The following OTC variants were observed in gnomAD, a reference collection of about 807,000 sequenced individuals.
OTC encodes ornithine transcarbamylase, mitochondrial.
A neutral mutation model predicts 30.3 loss-of-function variants in OTC; 3 were observed. The ratio of observed to expected loss-of-function variants is 0.10; its 90% CI spans 0.05 to 0.26. The LOEUF (loss-of-function observed/expected upper bound fraction) is 0.26, where lower values mean the gene tolerates loss of function less well. OTC is among the 10% of genes least tolerant of loss of function. OTC has a pLI of 1.00. For missense variants in OTC, 194 were observed against 260.3 expected (o/e 0.75, Z 1.75); for synonymous variants, 111 against 99.7 (o/e 1.11, Z -0.67).
At chrX:38,350,854 A>G (rs933198558), upstream of OTC, among the ~76,000 whole-genome samples, 20 of 111,033 alleles carry the variant, frequency 1.8e-4, no homozygotes, top group Non-Finnish European at 1.9e-5. Context: ...TATGGCTAGC[A>G]CAGTTCAGTG....
At chrX:38,338,590 TTTTG>T in the OTC span, among the ~76,000 whole-genome samples, 1 of 112,453 alleles carries the variant, frequency 8.9e-6, no homozygotes, top group African/African-American at 3.2e-5. Context: ...CCCTTCCTTT[TTTTG>T]TTTGTTTTTT....
Position 38,410,110 on chromosome X carries a change from T to A in OTC, c.867+1085T>A, listed in dbSNP as rs763855736. Among the ~76,000 whole-genome samples the A allele has an allele frequency of 8.0e-5, 9 of 112,191 alleles. No individual in the cohort carries two copies. In the East Asian group the frequency reaches 2.2e-3, roughly 28 times the overall value. On this transcript the variant is annotated intron_variant, in intron 8 of 9. Coordinates refer to ENST00000039007, the MANE Select transcript of OTC (RefSeq NM_000531.6). ...AGATTTTCTTGCTCACTCATTTAGA[T>A]ATTTTTTATTCTTTTTAGTTGCTGC... is the stretch of plus-strand genomic sequence containing the variant.
At chrX:38,408,614 A>C (rs937101319) in intron 6 of OTC, 128 bp from the exon 7 acceptor site, 6 of 485,741 alleles carry the variant, frequency 1.2e-5, no homozygotes, top group African/African-American at 2.4e-5. Context: ...ATCATATTCT[A>C]CTGAACATGG....
At chrX:38,381,132 C>A (rs1234165678) in intron 3 of OTC, among the ~76,000 whole-genome samples, 1 of 112,308 alleles carries the variant, frequency 8.9e-6, no homozygotes, top group Non-Finnish European at 1.9e-5. Context: ...AATGGGCACA[C>A]ATGTGAAGGA....
At chrX:38,375,224 T>C (rs774327586) in intron 3 of OTC, among the ~76,000 whole-genome samples, 1 of 111,683 alleles carries the variant, frequency 9.0e-6, no homozygotes, top group Non-Finnish European at 1.9e-5. Context: ...ATACAGTATG[T>C]TGGAAGATGA....
intron 9 of OTC, among the ~76,000 whole-genome samples, chrX:38,419,705 T>G (rs2068585897): frequency 8.9e-6 from 1 of 111,921 alleles, no homozygotes; most frequent in Non-Finnish European, 1.9e-5. Flanking sequence ...TGAATTCCCT[T>G]ACCAGTTCTA....
At chrX:38,376,124 T>C (rs759193171) in intron 3 of OTC, among the ~76,000 whole-genome samples, 1 of 109,117 alleles carries the variant, frequency 9.2e-6, no homozygotes, top group East Asian at 2.9e-4. Flanking sequence ...CTGATAACTT[T>C]GGTGAGAGGA....
At chrX:38,415,858 ACAAACAAACAAG>A (rs2068568521) in intron 9 of OTC, among the ~76,000 whole-genome samples, 4 of 112,111 alleles carry the variant, frequency 3.6e-5, no homozygotes, top group Admixed American at 9.4e-5. Flanking sequence ...CCGTCTCAAA[ACAAACAAACAAG>A]CAAACAAACA....
At chrX:38,375,040 C>T (rs1311327732) in intron 3 of OTC, among the ~76,000 whole-genome samples, 1 of 111,762 alleles carries the variant, frequency 8.9e-6, no homozygotes, top group East Asian at 2.8e-4. Flanking sequence ...TCAAATTCCT[C>T]CTTTATTCAT....
At chrX:38,337,192 GT>G in the OTC span, among the ~76,000 whole-genome samples, 1 of 112,292 alleles carries the variant, frequency 8.9e-6, no homozygotes. Flanking sequence ...CTCTTGGTTT[GT>G]TGATACCTAA....
chrX:38,328,960 C>T, the OTC span, among the ~76,000 whole-genome samples: 1 of 112,056 alleles, frequency 8.9e-6, no homozygotes, highest in African/African-American at 3.2e-5. Flanking sequence ...CCAAATAGTT[C>T]TTAGAGCAAC....
rs767865196 is a variant in OTC at position 38,416,052 on chromosome X, A to G, written c.1005+4053A>G. Among the ~76,000 whole-genome samples the G allele has an allele frequency of 3.6e-5, 4 of 111,882 alleles. No individual in the cohort carries two copies. The East Asian group carries it at 1.1e-3, about 31-fold the overall frequency. On this transcript the variant is annotated intron_variant, in intron 9 of 9. Transcript: ENST00000039007. The stretch of plus-strand genomic sequence containing the variant: ...CTACTCTAGGGAATAATTTCCACGC[A>G]TGCAACTTGATTTAAAATGAGGATG...
the OTC span, among the ~76,000 whole-genome samples, chrX:38,335,425 T>C: frequency 8.9e-6 from 1 of 112,714 alleles, no homozygotes; most frequent in East Asian, 2.8e-4. Flanking sequence ...TTTTAAAATT[T>C]CATTGCTTCC....
At chrX:38,353,211 G>A (rs1320519023) in intron 1 of OTC, among the ~76,000 whole-genome samples, 2 of 112,210 alleles carry the variant, frequency 1.8e-5, no homozygotes, top group African/African-American at 6.5e-5. Context: ...CTGCAAAGAC[G>A]CCTTATATGT....
At chrX:38,406,055 T>G (rs2147343733) in intron 6 of OTC, among the ~76,000 whole-genome samples, 1 of 112,374 alleles carries the variant, frequency 8.9e-6, no homozygotes, top group South Asian at 3.7e-4. Context: ...TGCAGTATTG[T>G]TCTTAAGGAG....
the OTC span, among the ~76,000 whole-genome samples, chrX:38,336,346 C>T: frequency 9.2e-6 from 1 of 109,044 alleles, no homozygotes; most frequent in Non-Finnish European, 1.9e-5. Flanking sequence ...ACTCTACTCC[C>T]TCCCTCCATT....
At chrX:38,415,222 G>A (rs2068564547) in intron 9 of OTC, among the ~76,000 whole-genome samples, 1 of 108,880 alleles carries the variant, frequency 9.2e-6, no homozygotes, top group South Asian at 4.1e-4. Flanking sequence ...GGGATTACAG[G>A]TGCCCGCCAC....
chrX:38,362,159 T>C (rs144698975), intron 1 of OTC, among the ~76,000 whole-genome samples: 1,317 of 111,982 alleles, frequency 0.012, 14 homozygotes, highest in South Asian at 0.026. Flanking sequence ...AGTTTTTCTA[T>C]GGATCTAAAC....
chrX:38,354,495 C>T (rs772335413), intron 1 of OTC, among the ~76,000 whole-genome samples: 21 of 110,896 alleles, frequency 1.9e-4, no homozygotes, highest in Non-Finnish European at 3.2e-4. Flanking sequence ...ATAATTATTA[C>T]GGATTAAATT....
Sources: allele counts gnomAD v4.1 joint callset (sites outside exome capture counted in the v4.1 genomes callset), GRCh38; gene constraint gnomAD v4.1.1; transcripts MANE v1.5; gene names NCBI Gene and HGNC (gene_info 2026-07-23, HGNC 2026-07-21).